The following GREB1 variants were observed in gnomAD, a reference collection of about 807,000 sequenced individuals.
The protein encoded by GREB1 is protein GREB1.
In GREB1, 106 loss-of-function variants were observed where a neutral mutation model predicts 200.7. The observed-to-expected ratio is 0.53, with a 90% CI of 0.45 to 0.62. The LOEUF is 0.62. Ranked by LOEUF, GREB1 falls within the 20% of genes least tolerant of loss-of-function variation. The pLI, the probability that GREB1 is intolerant of heterozygous loss-of-function variation, is 0.00. For synonymous variants in GREB1, 1,132 were observed against 1,092.4 expected (o/e 1.04, Z -0.72); for missense variants, 2,243 against 2,556.8 (o/e 0.88, Z 2.65).
At chr2:11,591,080 G>A (rs1332882562) in intron 10 of GREB1, among the ~76,000 whole-genome samples, 1 of 152,200 alleles carries the variant, frequency 6.6e-6, no homozygotes, top group Non-Finnish European at 1.5e-5. Context: ...GACAGCTCTG[G>A]GTAGGGGTTA....
chr2:11,616,598 C>G (rs768412972), intron 20 of GREB1, 33 bp from the exon 21 acceptor site: 5 of 1,288,048 alleles, frequency 3.9e-6, no homozygotes, highest in Non-Finnish European at 5.7e-6. Context: ...ATGGTGATTT[C>G]GGTGCATTCT....
At chr2:11,571,048 T>C (rs1678222969) in intron 4 of GREB1, among the ~76,000 whole-genome samples, 1 of 152,078 alleles carries the variant, frequency 6.6e-6, no homozygotes, top group Admixed American at 6.6e-5. Flanking sequence ...GATATATATA[T>C]ATATAAAACG....
chr2:11,523,035 T>C (rs1673754107), intron 1 of GREB1, among the ~76,000 whole-genome samples: 1 of 152,196 alleles, frequency 6.6e-6, no homozygotes, highest in Non-Finnish European at 1.5e-5. Context: ...CACCATGGAA[T>C]ACTATGCAGC....
intron 1 of GREB1, among the ~76,000 whole-genome samples, chr2:11,500,847 A>C (rs1380356308): frequency 2.0e-5 from 3 of 152,222 alleles, no homozygotes; most frequent in African/African-American, 7.2e-5. Context: ...TTTCTGTGAG[A>C]GCAAGTCAGA....
chr2:11,630,849 A>G (rs1684821105), intron 26 of GREB1, among the ~76,000 whole-genome samples: 2 of 152,142 alleles, frequency 1.3e-5, no homozygotes, highest in African/African-American at 4.8e-5. Flanking sequence ...ATCACCTCAG[A>G]GTCAGTTGGC....
chr2:11,620,812 G>A, intron 22 of GREB1, 93 bp from the exon 23 acceptor site: 5 of 723,290 alleles, frequency 6.9e-6, no homozygotes, highest in Admixed American at 4.1e-5. Context: ...TTCAAGTGAG[G>A]CAGATGTCAG....
intron 1 of GREB1, among the ~76,000 whole-genome samples, chr2:11,487,533 G>C (rs1186077473): frequency 6.6e-6 from 1 of 152,264 alleles, no homozygotes; most frequent in Non-Finnish European, 1.5e-5. Context: ...TCCTGAGGGA[G>C]AGGGTATATT....
At position 11,592,978 on chromosome 2, in the gene GREB1, G is replaced by T. The variant is rs1472308718; in HGVS notation, c.1548G>T (p.Val516=). Reference sequence around the variant, plus strand: ...CCGCCAGCTCCTGCAACGACAGCGTGCACGTCATCGAGTGTGCTTACTCCC... The same window carrying T: ...CCGCCAGCTCCTGCAACGACAGCGTTCACGTCATCGAGTGTGCTTACTCCC... ...SLAASSCNDS[V]HVIECAYSLA... The change falls in exon 11 of 33, where the codon GTG becomes GTT. Residue 516 remains valine (V), a synonymous_variant. Coordinates refer to ENST00000381486, the MANE Select transcript of GREB1 (RefSeq NM_014668.4). 4 of 1,605,206 alleles carry T rather than the reference G, an allele frequency of 2.5e-6. No individual in the cohort carries two copies. The Admixed American group carries it at 6.8e-5, about 27-fold the overall frequency.
chr2:11,504,639 A>T (rs1389022981), intron 1 of GREB1, among the ~76,000 whole-genome samples: 1 of 152,212 alleles, frequency 6.6e-6, no homozygotes, highest in East Asian at 1.9e-4. Context: ...TCTTTCACCT[A>T]GTGTAATGTT....
chr2:11,518,286 A>T (rs950237233), intron 1 of GREB1, among the ~76,000 whole-genome samples: 2 of 152,176 alleles, frequency 1.3e-5, no homozygotes, highest in African/African-American at 2.4e-5. Flanking sequence ...TGAACACATT[A>T]AAAAAATTCG....
intron 1 of GREB1, among the ~76,000 whole-genome samples, chr2:11,534,609 A>G (rs1674206568): frequency 6.6e-6 from 1 of 152,194 alleles, no homozygotes; most frequent in African/African-American, 2.4e-5. Context: ...AAGCCAGATC[A>G]ACAGGCTCAC....
At position 11,640,249 on chromosome 2, in the gene GREB1, C is replaced by G. The variant is rs1436622206; in HGVS notation, c.5687-42C>G. ...GGGCAGCCGCTTTCCTCTGGATAAA[C>G]TCACCTTTTCCCTTCCCACACCTCT... On this transcript the variant is annotated intron_variant, in intron 32 of 32. Transcript: ENST00000381486. The surrounding 1 kb of genome is among the most constrained non-coding windows in gnomAD (Gnocchi z 4.6). 1 of 1,580,136 alleles carries G rather than the reference C, an allele frequency of 6.3e-7. No individual in the cohort carries two copies. The highest frequency in any genetic ancestry group is 1.1e-5 in the South Asian group (1 of 88,298).
intron 1 of GREB1, among the ~76,000 whole-genome samples, chr2:11,539,589 C>G (rs538968595): frequency 2.3e-4 from 35 of 152,258 alleles, no homozygotes; most frequent in African/African-American, 7.9e-4. Flanking sequence ...TACTGTGGCT[C>G]CAGTCCAAGT....
chr2:11,515,170 C>T (rs998395811), intron 1 of GREB1, among the ~76,000 whole-genome samples: 3 of 151,976 alleles, frequency 2.0e-5, no homozygotes, highest in African/African-American at 7.3e-5. Flanking sequence ...TCCATCCATC[C>T]ATCCATCCAT....
Position 11,562,508 on chromosome 2 carries a change from G to A in GREB1, c.203G>A (p.Gly68Glu). The A allele has an allele frequency of 1.9e-6, 3 of 1,607,842 alleles. No individual in the cohort carries two copies. The highest frequency in any genetic ancestry group is 4.5e-5 in the East Asian group (2 of 44,116). The change falls in exon 3 of 33, where the codon GGA (glycine) becomes GAA (glutamate). Residue 68 changes from glycine (G) to glutamate (E), a missense_variant. By Grantham distance (98) the Gly-to-Glu change is moderately conservative. This residue lies in a region of GREB1 where 1,178 missense variants were observed against 1,387.4 expected (regional missense o/e 0.85). Coordinates refer to ENST00000381486, the MANE Select transcript of GREB1 (RefSeq NM_014668.4). ...GAGGAAGAGGAAGAAGAGGGAGAAG[G>A]AGGGCTGGAAACAAATGGCCCCCCA... ...DNEEEEEEGE[G>E]GLETNGPPNP...
At chr2:11,538,297 G>C (rs1176210840) in intron 1 of GREB1, among the ~76,000 whole-genome samples, 3 of 152,134 alleles carry the variant, frequency 2.0e-5, no homozygotes, top group African/African-American at 7.2e-5. Flanking sequence ...GCAATTTTGG[G>C]GACTGAGCCC....
At chr2:11,491,394 C>CT (rs1243500482) in intron 1 of GREB1, among the ~76,000 whole-genome samples, 1 of 152,156 alleles carries the variant, frequency 6.6e-6, no homozygotes, top group Non-Finnish European at 1.5e-5. Flanking sequence ...AGAAGAATGA[C>CT]TTATTAGAAG....
Position 11,633,193 on chromosome 2 carries a change from T to C in GREB1, c.4991+130T>C. On this transcript the variant is annotated intron_variant, in intron 28 of 32. Coordinates refer to ENST00000381486, the MANE Select transcript of GREB1 (RefSeq NM_014668.4). This position sits in a 1 kb window ranked among gnomAD's most constrained non-coding sequence, Gnocchi z 4.1. ...CCTCTCATAGTAGAAGGGGTGGTTG[T>C]GGTTGTGGTTCCCAGAGTCCTGGGT... 2 of 861,736 alleles carry C rather than the reference T, an allele frequency of 2.3e-6. No individual in the cohort carries two copies. Among genetic ancestry groups the C allele is most frequent in the Non-Finnish European group, 3.7e-6 (2 of 542,284 alleles). The allele number at this position is 861,736 out of a possible 1,614,324, so 53.4% of individuals were successfully genotyped here. A position where few individuals can be genotyped will look rare whatever the true frequency, so the allele number is the denominator to read the frequency against.
chr2:11,623,703 G>A (rs536228567), intron 23 of GREB1, among the ~76,000 whole-genome samples: 6 of 152,246 alleles, frequency 3.9e-5, no homozygotes, highest in African/African-American at 1.4e-4. Context: ...CCAGTCTGGC[G>A]AACATGGTGA....
Sources: gnomAD v4.1 joint callset for allele counts (sites outside exome capture counted in the v4.1 genomes callset) on GRCh38, gnomAD v4.1.1 for gene constraint, gnomAD v4.1.1 regional missense constraint, Gnocchi (gnomAD v3.1) non-coding constraint, MANE v1.5 for transcripts, NCBI Gene and HGNC (gene_info 2026-07-23, HGNC 2026-07-21) for gene names.